The following CC2D2A variants were observed in gnomAD, a reference collection of about 807,000 sequenced individuals.
CC2D2A encodes coiled-coil and C2 domain-containing protein 2A.
In CC2D2A, 155 loss-of-function variants were observed where a neutral mutation model predicts 212.9. The ratio of observed to expected loss-of-function variants is 0.73; its 90% CI spans 0.64 to 0.83. CC2D2A has a LOEUF of 0.83. Ranked by LOEUF, CC2D2A falls within the 40% of genes least tolerant of loss-of-function variation. The probability of loss-of-function intolerance (pLI) is 0.00; values close to 1 mark genes in which losing one functional copy is unlikely to be tolerated. For missense variants in CC2D2A, 1,856 were observed against 1,956.2 expected, an observed-to-expected ratio of 0.95 and a Z score of 0.97; for synonymous variants, 667 against 686.5, an observed-to-expected ratio of 0.97 and a Z score of 0.44.
Position 15,550,829 on chromosome 4 carries a change from T to C in CC2D2A, c.2187T>C (p.Tyr729=), listed in dbSNP as rs930302303. ...TTCTCTTCTCTGGTTTTCAGGTCTA[T>C]GAAACTGTCGGACACAGTAGTCCCA... ...NWPESLTLQV[Y]ETVGHSSPTL... is the part of the protein sequence containing the mutation. The change falls in exon 18 of 37, where the codon TAT becomes TAC. Residue 729 remains tyrosine (Y), a synonymous_variant. Transcript: ENST00000424120. 7.0e-6 allele frequency: 11 copies of C among 1,561,650 alleles called. No homozygotes were observed. The highest frequency in any genetic ancestry group is 9.6e-6 in the Non-Finnish European group (11 of 1,141,774).
At chr4:15,584,611 CA>C (rs1161575648) in intron 30 of CC2D2A, among the ~76,000 whole-genome samples, 1 of 151,998 alleles carries the variant, frequency 6.6e-6, no homozygotes, top group African/African-American at 2.4e-5. Flanking sequence ...AGTAAGACCT[CA>C]AAAGCACAGG....
intron 4 of CC2D2A, among the ~76,000 whole-genome samples, chr4:15,500,870 T>G (rs1715908163): frequency 6.6e-6 from 1 of 152,184 alleles, no homozygotes; most frequent in South Asian, 2.1e-4. Flanking sequence ...GGAAACTCCT[T>G]AAGGCTTCAG....
At chr4:15,470,184 C>G (rs2108957040) in intron 1 of CC2D2A, 127 bp downstream of exon 1, 1 of 152,290 alleles carries the variant, frequency 6.6e-6, no homozygotes, top group African/African-American at 2.4e-5. Context: ...TTTAGGGGCT[C>G]TCATCGTTAT....
intron 14 of CC2D2A, among the ~76,000 whole-genome samples, chr4:15,534,589 G>A (rs541268972): frequency 1.3e-5 from 2 of 152,264 alleles, no homozygotes; most frequent in South Asian, 4.1e-4. Flanking sequence ...TATGCTGCTG[G>A]TGTTGGTCCC....
intron 4 of CC2D2A, chr4:15,481,086 A>T: frequency 2.1e-6 from 1 of 469,474 alleles, no homozygotes; most frequent in Admixed American, 2.6e-5. Flanking sequence ...GTGACCTTCA[A>T]TGTTAGAGGT....
chr4:15,587,896 G>A lies in CC2D2A; in HGVS notation c.4146G>A (p.Lys1382=). The A allele has an allele frequency of 6.2e-7, 1 of 1,612,838 alleles. No individual in the cohort carries two copies. Among genetic ancestry groups the A allele is most frequent in the South Asian group, 1.1e-5 (1 of 91,006 alleles). The part of the protein sequence containing the change: ...LCNYFLSLGK[K]AWLLMGNAIP... ...ATTACTTTCTGTCTCTGGGTAAGAA[G>A]GCCTGGCTGTTGATGGGCAATGCTA... Residue 1382 remains lysine, a synonymous_variant, in exon 32 of 37, where the codon AAG becomes AAA. Coordinates refer to ENST00000424120, the MANE Select transcript of CC2D2A (RefSeq NM_001378615.1).
intron 14 of CC2D2A, among the ~76,000 whole-genome samples, chr4:15,536,023 A>G (rs1718111085): frequency 6.6e-6 from 1 of 152,198 alleles, no homozygotes; most frequent in Non-Finnish European, 1.5e-5. Context: ...TATGGCCACA[A>G]TATCTTTTCC....
intron 4 of CC2D2A, among the ~76,000 whole-genome samples, chr4:15,489,555 A>C (rs1351965906): frequency 6.6e-6 from 1 of 152,194 alleles, no homozygotes; most frequent in Non-Finnish European, 1.5e-5. Context: ...ATCTGTACTC[A>C]AAGCCCCAAT....
chr4:15,519,322 C>A (rs902594672), intron 11 of CC2D2A: 3 of 409,928 alleles, frequency 7.3e-6, no homozygotes, highest in Non-Finnish European at 1.4e-5. Flanking sequence ...TCTGAGACCA[C>A]CTCAGCCTGG....
At chr4:15,551,064 C>A (rs1718983808) in intron 18 of CC2D2A, 84 bp downstream of exon 18, 1 of 1,126,296 alleles carries the variant, frequency 8.9e-7, no homozygotes, top group Non-Finnish European at 1.2e-6. Context: ...TCCCAGACAA[C>A]CATAGAATTA....
Position 15,502,791 on chromosome 4 carries a change from T to C in CC2D2A, c.337-31T>C, listed in dbSNP as rs773022328. The C allele has an allele frequency of 3.2e-6, 5 of 1,544,302 alleles. No homozygotes were observed. In the African/African-American group the frequency reaches 4.1e-5, roughly 13 times the overall value. On this transcript the variant is annotated intron_variant, in intron 5 of 36. Coordinates refer to ENST00000424120, the MANE Select transcript of CC2D2A (RefSeq NM_001378615.1). ...TTATTTCTCGGCATTCCTGACATCA[T>C]GTAGCAGTAAATTTCTGTTTGACTT...
chr4:15,539,714 G>A (rs1181129111), intron 16 of CC2D2A, among the ~76,000 whole-genome samples: 2 of 152,136 alleles, frequency 1.3e-5, no homozygotes, highest in Non-Finnish European at 2.9e-5. Context: ...ATTTTGACAT[G>A]AATGTTCAAA....
At chr4:15,551,089 A>G in intron 18 of CC2D2A, 109 bp downstream of exon 18, 1 of 1,023,744 alleles carries the variant, frequency 9.8e-7, no homozygotes, top group Non-Finnish European at 1.3e-6. Context: ...ATTGATATCA[A>G]AAATTCAAAT....
chr4:15,596,786 A>G (rs1721339759), intron 34 of CC2D2A, among the ~76,000 whole-genome samples: 1 of 152,218 alleles, frequency 6.6e-6, no homozygotes, highest in Admixed American at 6.5e-5. Context: ...TATATACAAG[A>G]TTTTTAGTAG....
At position 15,569,292 on chromosome 4, in the gene CC2D2A, G is replaced by A; in HGVS notation, c.3399-1G>A. On this transcript the variant is annotated splice_acceptor_variant, in intron 26 of 36. Coordinates refer to ENST00000424120, the MANE Select transcript of CC2D2A (RefSeq NM_001378615.1). LOFTEE classifies it high-confidence loss of function. Reference sequence around the variant, plus strand: ...GTCCCTGGTCATGTGCTGTCTTGCAGGGCTCCTAATGGAGATTATAGCACA... The same window carrying A: ...GTCCCTGGTCATGTGCTGTCTTGCAAGGCTCCTAATGGAGATTATAGCACA... 1 of 1,560,606 alleles carries A rather than the reference G, an allele frequency of 6.4e-7. No homozygotes were observed. Among genetic ancestry groups the A allele is most frequent in the Non-Finnish European group, 8.7e-7 (1 of 1,146,414 alleles).
chr4:15,474,456 G>A (rs941922322), intron 1 of CC2D2A, among the ~76,000 whole-genome samples: 1 of 152,138 alleles, frequency 6.6e-6, no homozygotes, highest in Non-Finnish European at 1.5e-5. Flanking sequence ...AATGTAGTCA[G>A]GGGTCGGGGG....
At chr4:15,537,320 G>A (rs760377790) in intron 15 of CC2D2A, among the ~76,000 whole-genome samples, 2 of 152,230 alleles carry the variant, frequency 1.3e-5, no homozygotes, top group African/African-American at 2.4e-5. Context: ...GAATGCTATG[G>A]TAGCACTCTG....
At chr4:15,487,961 C>CA (rs998189413) in intron 4 of CC2D2A, among the ~76,000 whole-genome samples, 11 of 151,608 alleles carry the variant, frequency 7.3e-5, no homozygotes, top group African/African-American at 2.7e-4. Flanking sequence ...CCCGTCTCCC[C>CA]CCTGCTTTTT....
chr4:15,559,799 A>T (rs1719479587), intron 22 of CC2D2A, among the ~76,000 whole-genome samples: 1 of 151,894 alleles, frequency 6.6e-6, no homozygotes, highest in East Asian at 1.9e-4. Flanking sequence ...GAATTATTTA[A>T]GAGGTTATTT....
Sources: gnomAD v4.1 joint callset for allele counts (sites outside exome capture counted in the v4.1 genomes callset) on GRCh38, gnomAD v4.1.1 for gene constraint, MANE v1.5 for transcripts, NCBI Gene and HGNC (gene_info 2026-07-23, HGNC 2026-07-21) for gene names.